Variants in WDR3 observed in about 807,000 individuals in gnomAD.
The protein encoded by WDR3 is WD repeat-containing protein 3.
In WDR3, 81 loss-of-function variants were observed where a neutral mutation model predicts 123.7. The ratio of observed to expected loss-of-function variants is 0.65; its 90% CI spans 0.55 to 0.79. The LOEUF (loss-of-function observed/expected upper bound fraction) is 0.79, where lower values mean the gene tolerates loss of function less well. Ranked by LOEUF, WDR3 falls within the 30% of genes least tolerant of loss-of-function variation. The pLI is 0.00. For missense variants in WDR3, 1,027 were observed against 1,123.2 expected (o/e 0.91, Z 1.22); for synonymous variants, 390 against 388.8 (o/e 1.00, Z -0.04).
At position 117,943,488 on chromosome 1, in the gene WDR3, C is replaced by T. The variant is rs1194259632; in HGVS notation, c.1190C>T (p.Ser397Phe). Residue 397 changes from serine to phenylalanine, a missense_variant, in exon 11 of 27, where the codon TCC (serine) becomes TTC (phenylalanine). Physicochemically the swap from Ser to Phe is radical, Grantham distance 155. Coordinates refer to ENST00000349139, the MANE Select transcript of WDR3 (RefSeq NM_006784.3). The stretch of plus-strand genomic sequence containing the variant: ...GTGGAATTGTATTCACTGAATCCAT[C>T]CTTGCCTACTCCTCAGCCTGTCAGG... Reference protein sequence around the residue: ...NLVELYSLNPSLPTPQPVRTS... With the variant: ...NLVELYSLNPFLPTPQPVRTS... The T allele has an allele frequency of 2.5e-6, 4 of 1,614,092 alleles. No homozygotes were observed. The South Asian group carries it at 3.3e-5, about 13-fold the overall frequency.
rs1253564605 is a variant in WDR3, at chr1:117,963,711, G to C, written c.*4264G>C. On this transcript the variant is annotated 3_prime_UTR_variant, in exon 27 of 27. Transcript: ENST00000349139. ...CAGGCCAGGTGGCTTATAGGTTTCT[G>C]ACTATAAGAAGAGGGGAAGAAACCT... 5 of 1,265,166 alleles carry C rather than the reference G, an allele frequency of 4.0e-6. No homozygotes were observed. The African/African-American group carries it at 7.5e-5, about 19-fold the overall frequency. The allele number at this position is 1,265,166 out of a possible 1,614,324, so 78.4% of individuals were successfully genotyped here.
rs1461836530 is a variant in WDR3 at position 117,950,010 on chromosome 1, A to G, written c.1626A>G (p.Gln542=). 1 of 1,613,802 alleles carries G rather than the reference A, an allele frequency of 6.2e-7. No individual in the cohort carries two copies. The highest frequency in any genetic ancestry group is 2.2e-5 in the East Asian group (1 of 44,884). ...NSTQKRLSVK[Q]TRTLQLDEDV... ...GTGGTGCTAGACTTTCTGTGAAGCA[A>G]ACCCGAACTTTGCAACTAGATGAAG... The change falls in exon 15 of 27, where the codon CAA becomes CAG. Residue 542 remains glutamine (Q), a synonymous_variant. Transcript: ENST00000349139.
rs181738462 is a variant in WDR3 at position 117,964,429 on chromosome 1, G to C, written c.*4982G>C. The C allele has an allele frequency of 6.6e-6, 1 of 152,480 alleles. No homozygotes were observed. Among genetic ancestry groups the C allele is most frequent in the East Asian group, 1.9e-4 (1 of 5,186 alleles). The allele number at this position is 152,480 out of a possible 1,614,324, so 9.4% of individuals were successfully genotyped here. On this transcript the variant is annotated 3_prime_UTR_variant, in exon 27 of 27. Transcript: ENST00000349139. The stretch of plus-strand genomic sequence containing the variant: ...TGCTATGATCAGCAGCAGTGACTCA[G>C]GTATTTGCATCTAATAACCTGTGTG...
intron 6 of WDR3, among the ~76,000 whole-genome samples, chr1:117,940,239 A>C (rs925325508): frequency 6.6e-6 from 1 of 152,212 alleles, no homozygotes; most frequent in Non-Finnish European, 1.5e-5. Flanking sequence ...CATTGTCACT[A>C]AACAGTAGTC....
At chr1:117,935,922 CAAAT>C (rs1650926716) in intron 3 of WDR3, among the ~76,000 whole-genome samples, 1 of 151,562 alleles carries the variant, frequency 6.6e-6, no homozygotes, top group South Asian at 2.1e-4. Context: ...AACTTACAGT[CAAAT>C]AAGAGATGAC....
intron 11 of WDR3, among the ~76,000 whole-genome samples, chr1:117,945,782 C>T (rs892220983): frequency 1.3e-5 from 2 of 152,136 alleles, no homozygotes; most frequent in Non-Finnish European, 2.9e-5. Context: ...GACTTGTAAT[C>T]CTTCAGACTC....
Position 117,941,145 on chromosome 1 carries a change from G to C in WDR3, c.811G>C (p.Ala271Pro). The C allele has an allele frequency of 6.2e-7, 1 of 1,614,128 alleles. No homozygotes were observed. The highest frequency in any genetic ancestry group is 8.5e-7 in the Non-Finnish European group (1 of 1,180,010). Reference protein sequence around the residue: ...PEDRILSCRKAGSIMREGRDR... With the variant: ...PEDRILSCRKPGSIMREGRDR... ...GTAGCGAATCCTTTCATGCAGAAAA[G>C]CTGGTTCCATAATGCGGGAAGGAAG... Residue 271 changes from alanine (A) to proline (P), a missense_variant, in exon 8 of 27, where the codon GCT becomes CCT. Ala to Pro is a conservative substitution (Grantham distance 27). Transcript: ENST00000349139.
Position 117,943,356 on chromosome 1 carries a change from A to C in WDR3, c.1098-40A>C. ...TGGAAAAAGTAAACCTTGTGAGCTAAGATGGTAGCTAGAACATTTATGATT... is the reference window on the plus strand; with the variant it reads ...TGGAAAAAGTAAACCTTGTGAGCTACGATGGTAGCTAGAACATTTATGATT... On this transcript the variant is annotated intron_variant, in intron 10 of 26. Transcript: ENST00000349139. The C allele has an allele frequency of 2.0e-6, 3 of 1,529,068 alleles. No individual in the cohort carries two copies. The South Asian group carries it at 3.5e-5, about 18-fold the overall frequency. 94.7% of individuals were successfully genotyped at this position (1,529,068 alleles called of 1,614,324 possible). A position where few individuals can be genotyped will look rare whatever the true frequency, so the allele number is the denominator to read the frequency against.
At chr1:117,948,675 T>C (rs938914802) in intron 13 of WDR3, among the ~76,000 whole-genome samples, 169 bp downstream of exon 13, 1 of 151,210 alleles carries the variant, frequency 6.6e-6, no homozygotes, top group Admixed American at 6.6e-5. Flanking sequence ...TGAAATGAAA[T>C]CTTGTTTGGC....
At position 117,963,734 on chromosome 1, in the gene WDR3, C is replaced by G. The variant is rs532615253; in HGVS notation, c.*4287C>G. ...CTGACTATAAGAAGAGGGGAAGAAA[C>G]CTGGGGTCTAATACCTCAAATTTGA... is the stretch of plus-strand genomic sequence containing the variant. On this transcript the variant is annotated 3_prime_UTR_variant, in exon 27 of 27. Transcript: ENST00000349139. The G allele has an allele frequency of 1.4e-6, 2 of 1,453,266 alleles. No individual in the cohort carries two copies. Among genetic ancestry groups the G allele is most frequent in the Non-Finnish European group, 1.9e-6 (2 of 1,066,612 alleles). The allele number at this position is 1,453,266 out of a possible 1,614,324, so 90.0% of individuals were successfully genotyped here.
At chr1:117,950,549 A>G (rs1651572629) in intron 15 of WDR3, among the ~76,000 whole-genome samples, 2 of 152,196 alleles carry the variant, frequency 1.3e-5, no homozygotes, top group South Asian at 2.1e-4. Flanking sequence ...TGTGAAACAA[A>G]TGCCCTGGAA....
Position 117,946,143 on chromosome 1 carries a change from T to G in WDR3, c.1386T>G (p.Phe462Leu), listed in dbSNP as rs1651370513. ...MTCEYALCSFFVPGDRQVVIG... is the reference protein window; with the variant it reads ...MTCEYALCSFLVPGDRQVVIG... ...GTGAATATGCACTTTGCTCATTCTTTGTACCTGGTGATAGACAGGTAGTCA... is the reference window on the plus strand; with the variant it reads ...GTGAATATGCACTTTGCTCATTCTTGGTACCTGGTGATAGACAGGTAGTCA... The change falls in exon 12 of 27, where the codon TTT becomes TTG. Residue 462 changes from phenylalanine (F) to leucine (L), a missense_variant. Phe to Leu is a conservative substitution (Grantham distance 22). Coordinates refer to ENST00000349139, the MANE Select transcript of WDR3 (RefSeq NM_006784.3). The G allele has an allele frequency of 6.2e-7, 1 of 1,613,164 alleles. No homozygotes were observed. The highest frequency in any genetic ancestry group is 8.5e-7 in the Non-Finnish European group (1 of 1,179,392).
chr1:117,954,106 A>G lies in WDR3; in HGVS notation c.2361+7A>G, dbSNP rs200466570. On this transcript the variant is annotated splice_region_variant and intron_variant, in intron 22 of 26. Coordinates refer to ENST00000349139, the MANE Select transcript of WDR3 (RefSeq NM_006784.3). ...TAAAGCTGCAGGGAAAGAGGTAATA[A>G]GAGAGTACAGTAAGTTACAGTATCA... is the stretch of plus-strand genomic sequence containing the variant. The G allele has an allele frequency of 2.3e-4, 365 of 1,607,950 alleles. 4 individuals are homozygous for G. Among genetic ancestry groups the G allele is most frequent in the Admixed American group, 2.0e-4 (12 of 59,194 alleles).
In WDR3 at chr1:117,958,974, A is replaced by G. The variant is rs201344132; in HGVS notation, c.2647A>G (p.Thr883Ala). 3.1e-6 allele frequency: 5 copies of G among 1,614,034 alleles called. No homozygotes were observed. The African/African-American group carries it at 5.3e-5, about 17-fold the overall frequency. ...LVPVIEKLRETTISKVSQVRD... is the reference protein window; with the variant it reads ...LVPVIEKLREATISKVSQVRD... Reference sequence around the variant, plus strand: ...GCCAGTGATAGAAAAATTAAGGGAAACAACTATTTCAAAAGTCAGCCAAGT... The same window carrying G: ...GCCAGTGATAGAAAAATTAAGGGAAGCAACTATTTCAAAAGTCAGCCAAGT... The change falls in exon 26 of 27, where the codon ACA (threonine) becomes GCA (alanine). Residue 883 changes from threonine (T) to alanine (A), a missense_variant. By Grantham distance (58) the Thr-to-Ala change is moderately conservative. Transcript: ENST00000349139.
intron 11 of WDR3, among the ~76,000 whole-genome samples, 178 bp downstream of exon 11, chr1:117,943,804 CAAAA>C (rs373392504): frequency 1.9e-5 from 2 of 108,106 alleles, no homozygotes; most frequent in South Asian, 5.5e-4. Context: ...AAATGTGGTG[CAAAA>C]AAAAAAAAAG....
chr1:117,936,331 T>C (rs1650943969), intron 3 of WDR3, among the ~76,000 whole-genome samples: 1 of 147,860 alleles, frequency 6.8e-6, no homozygotes, highest in Admixed American at 6.8e-5. Flanking sequence ...CACTTCTGCA[T>C]ATTTATAACA....
intron 17 of WDR3, 107 bp from the exon 18 acceptor site, chr1:117,952,190 A>G: frequency 7.0e-7 from 1 of 1,434,934 alleles, no homozygotes; most frequent in Non-Finnish European, 9.6e-7. Flanking sequence ...GTTCTAAAAT[A>G]TAGTCAGACA....
Position 117,946,940 on chromosome 1 carries a change from CA to C in WDR3, c.1422+782del, listed in dbSNP as rs55743091. On this transcript the variant is annotated intron_variant, in intron 12 of 26. Coordinates refer to ENST00000349139, the MANE Select transcript of WDR3 (RefSeq NM_006784.3). ...TGGGTGACAGAGCAAGACTCCATCT[CA>C]AAAAAAAAAAAAAAAAAAAATGAGT... is the stretch of plus-strand genomic sequence containing the variant. Among the ~76,000 whole-genome samples the C allele has an allele frequency of 6.0e-3, 466 of 77,350 alleles. 4 individuals are homozygous for C. Among genetic ancestry groups the C allele is most frequent in the African/African-American group, 0.014 (268 of 18,650 alleles). 50.7% of individuals were successfully genotyped at this position (77,350 alleles called of 152,430 possible).
intron 12 of WDR3, among the ~76,000 whole-genome samples, chr1:117,948,108 T>C (rs936801637): frequency 6.6e-6 from 1 of 152,208 alleles, no homozygotes; most frequent in Admixed American, 6.5e-5. Flanking sequence ...GGTCATGATA[T>C]TTTCCTTGTG....
Sources: allele counts gnomAD v4.1 joint callset (sites outside exome capture counted in the v4.1 genomes callset), GRCh38; gene constraint gnomAD v4.1.1; transcripts MANE v1.5; gene names NCBI Gene and HGNC (gene_info 2026-07-23, HGNC 2026-07-21).